The following ADCY9 variants were observed in gnomAD, a reference collection of about 807,000 sequenced individuals.
The protein encoded by ADCY9 is adenylate cyclase 9.
In ADCY9, 50 loss-of-function variants were observed where a neutral mutation model predicts 101.5. The ratio of observed to expected loss-of-function variants is 0.49; its 90% CI spans 0.39 to 0.62. The LOEUF (loss-of-function observed/expected upper bound fraction) is 0.62. ADCY9 is among the 20% of genes least tolerant of loss of function. The probability of loss-of-function intolerance (pLI) is 0.00; values close to 1 mark genes in which losing one functional copy is unlikely to be tolerated. For missense variants in ADCY9, 1,662 were observed against 1,800.4 expected (o/e 0.92, Z 1.39); for synonymous variants, 905 against 769.3 (o/e 1.18, Z -2.92).
intron 3 of ADCY9, among the ~76,000 whole-genome samples, chr16:4,002,265 A>G (rs1021589231): frequency 4.6e-5 from 7 of 152,118 alleles, no homozygotes; most frequent in Non-Finnish European, 1.0e-4. Context: ...ATATGAAATC[A>G]TTTTTTCAAT....
At chr16:3,995,455 G>GTA (rs1369336524) in intron 3 of ADCY9, among the ~76,000 whole-genome samples, 1 of 151,872 alleles carries the variant, frequency 6.6e-6, no homozygotes, top group African/African-American at 2.4e-5. Context: ...AATGAAATAA[G>GTA]TATATATATA....
intron 2 of ADCY9, among the ~76,000 whole-genome samples, chr16:4,071,874 G>A (rs534561233): frequency 2.0e-5 from 3 of 152,136 alleles, no homozygotes; most frequent in South Asian, 4.2e-4. Flanking sequence ...GCGGTGGTGC[G>A]GTCTCGGCTC....
Position 4,009,510 on chromosome 16 carries a change from G to T in ADCY9, c.1694-1952C>A, listed in dbSNP as rs2056389423. Among the ~76,000 whole-genome samples the T allele has an allele frequency of 4.6e-5, 7 of 152,246 alleles. 2 individuals are homozygous for T. The South Asian group carries it at 1.4e-3, about 32-fold the overall frequency. ...AGACTCAAGTGATCCGCCCATCTTG[G>T]CCTCCCAAAGTGCTGGGATTGCAGG... On this transcript the variant is annotated intron_variant, in intron 2 of 10. Coordinates refer to ENST00000294016, the MANE Select transcript of ADCY9 (RefSeq NM_001116.4).
At chr16:4,095,924 C>A (rs1426275406) in intron 2 of ADCY9, among the ~76,000 whole-genome samples, 1 of 142,782 alleles carries the variant, frequency 7.0e-6, no homozygotes, top group Non-Finnish European at 1.5e-5. Flanking sequence ...TTGCAGTGAG[C>A]TGAGATCACG....
intron 2 of ADCY9, 144 bp downstream of exon 2, chr16:4,113,606 C>G: frequency 9.0e-7 from 1 of 1,115,530 alleles, no homozygotes; most frequent in Non-Finnish European, 1.3e-6. Context: ...AAAGAAAAGT[C>G]ACACTGACCC....
intron 5 of ADCY9, among the ~76,000 whole-genome samples, chr16:3,990,703 G>A (rs567320268): frequency 7.9e-5 from 12 of 152,330 alleles, no homozygotes; most frequent in African/African-American, 2.9e-4. Flanking sequence ...ACTGAGGGAA[G>A]AGCAACCACG....
chr16:3,985,964 C>T (rs1398679345), intron 6 of ADCY9, among the ~76,000 whole-genome samples: 5 of 68,924 alleles, frequency 7.3e-5, no homozygotes, highest in South Asian at 6.3e-4. Context: ...GACACTCTTT[C>T]GCCCTCTCTC....
chr16:4,106,813 C>T (rs552030579), intron 2 of ADCY9, among the ~76,000 whole-genome samples: 14 of 152,314 alleles, frequency 9.2e-5, no homozygotes, highest in African/African-American at 3.4e-4. Context: ...CAGCAAAGTA[C>T]ATAGGCAACG....
chr16:3,987,988 G>C (rs12933077), intron 6 of ADCY9, among the ~76,000 whole-genome samples: 17,652 of 148,324 alleles, frequency 0.12, 1,145 homozygotes, highest in South Asian at 0.3. Context: ...TGGAGGCTGT[G>C]AGGAGGGGCT....
intron 2 of ADCY9, chr16:4,032,010 A>C (rs2056558506): frequency 6.6e-6 from 1 of 151,396 alleles, no homozygotes; most frequent in Non-Finnish European, 1.5e-5. Context: ...AGAAAACCAA[A>C]AAGTCCGGGC....
intron 2 of ADCY9, among the ~76,000 whole-genome samples, chr16:4,075,754 C>T (rs1344202082): frequency 6.6e-6 from 1 of 152,076 alleles, no homozygotes; most frequent in East Asian, 1.9e-4. Flanking sequence ...AGCGGGGGGG[C>T]CAGGCGGGAG....
intron 6 of ADCY9, among the ~76,000 whole-genome samples, chr16:3,988,774 G>A (rs2056219418): frequency 1.3e-5 from 2 of 152,200 alleles, no homozygotes; most frequent in African/African-American, 4.8e-5. Flanking sequence ...TAGTAATGGC[G>A]AGGCTGCGCT....
intron 2 of ADCY9, among the ~76,000 whole-genome samples, chr16:4,071,332 CAAAAAAAAAAAAAAAAAAAAA>C (rs530420293): frequency 8.5e-5 from 6 of 70,524 alleles, no homozygotes; most frequent in African/African-American, 3.3e-4. Context: ...ACTCAGTCTC[CAAAAAAAAAAAAAAAAAAAAA>C]AAAAAAAAAA....
intron 2 of ADCY9, among the ~76,000 whole-genome samples, chr16:4,022,415 C>T (rs747526772): frequency 3.8e-5 from 5 of 130,110 alleles, no homozygotes; most frequent in South Asian, 2.6e-4. Flanking sequence ...GGCGTGAACC[C>T]GGGAAGCGGA....
chr16:4,049,623 A>G (rs1313389638), intron 2 of ADCY9, among the ~76,000 whole-genome samples: 1 of 152,158 alleles, frequency 6.6e-6, no homozygotes, highest in Admixed American at 6.5e-5. Context: ...CCTCTGAGTC[A>G]AAAACACCAC....
chr16:4,100,177 C>G (rs1027813666), intron 2 of ADCY9, among the ~76,000 whole-genome samples: 1 of 151,884 alleles, frequency 6.6e-6, no homozygotes, highest in Admixed American at 6.6e-5. Context: ...CTCTCTCTCA[C>G]TCTCTCTCTC....
At chr16:4,029,404 C>T (rs1376929539) in intron 2 of ADCY9, among the ~76,000 whole-genome samples, 1 of 152,140 alleles carries the variant, frequency 6.6e-6, no homozygotes, top group Non-Finnish European at 1.5e-5. Context: ...GTATTTGCCT[C>T]ACATATAACT....
intron 2 of ADCY9, among the ~76,000 whole-genome samples, chr16:4,070,460 CT>C (rs765694077): frequency 3.3e-5 from 5 of 152,092 alleles, no homozygotes; most frequent in Non-Finnish European, 7.4e-5. Context: ...CTCAACAAAA[CT>C]TTTGAAAAAT....
At position 3,963,366 on chromosome 16, in the gene ADCY9, G is replaced by A. The variant is rs1361494754; in HGVS notation, c.*2409C>T. On this transcript the variant is annotated 3_prime_UTR_variant, in exon 11 of 11. Transcript: ENST00000294016. ...TGCTCGCTGCCAACAGACAAGAGAT[G>A]CACGGCGTTTCCGCTGCAGAGATTC... 12 of 398,780 alleles carry A rather than the reference G, an allele frequency of 3.0e-5. No individual in the cohort carries two copies. Among genetic ancestry groups the A allele is most frequent in the Non-Finnish European group, 5.3e-5 (12 of 226,020 alleles). The allele number at this position is 398,780 out of a possible 1,614,324, so 24.7% of individuals were successfully genotyped here.
Sources: gnomAD v4.1 joint callset for allele counts (sites outside exome capture counted in the v4.1 genomes callset) on GRCh38, gnomAD v4.1.1 for gene constraint, MANE v1.5 for transcripts, NCBI Gene and HGNC (gene_info 2026-07-23, HGNC 2026-07-21) for gene names.